Variants in NEK11 observed in about 807,000 individuals in gnomAD.
NEK11 encodes NIMA related kinase 11.
NEK11 carries 72 observed loss-of-function variants against 80.7 expected under a neutral mutation model. The observed-to-expected ratio is 0.89, with a 90% confidence interval of 0.74 to 1.08. NEK11 has a LOEUF of 1.08. NEK11 is among the 50% of genes least tolerant of loss of function. The pLI is 0.00. For missense variants in NEK11, 764 were observed against 763.6 expected, an observed-to-expected ratio of 1.00 and a Z score of -0.01; for synonymous variants, 251 against 260.7, an observed-to-expected ratio of 0.96 and a Z score of 0.36.
At chr3:131,071,701 AG>A (rs1443572258) in intron 3 of NEK11, among the ~76,000 whole-genome samples, 4 of 152,090 alleles carry the variant, frequency 2.6e-5, no homozygotes, top group Non-Finnish European at 2.9e-5. Flanking sequence ...AAGAATTTTT[AG>A]TCATTTGTCC....
At chr3:131,197,552 A>G (rs1217833804) in intron 14 of NEK11, among the ~76,000 whole-genome samples, 4 of 152,150 alleles carry the variant, frequency 2.6e-5, no homozygotes, top group Non-Finnish European at 5.9e-5. Flanking sequence ...GGCCCTGACT[A>G]TCTGCTTGAT....
At chr3:131,257,452 C>CA (rs2095837474) in intron 16 of NEK11, among the ~76,000 whole-genome samples, 1 of 151,950 alleles carries the variant, frequency 6.6e-6, no homozygotes, top group East Asian at 1.9e-4. Context: ...AATGTAAGGC[C>CA]AAAAATAACA....
At chr3:131,188,078 C>T (rs540820118) in intron 14 of NEK11, among the ~76,000 whole-genome samples, 1 of 152,180 alleles carries the variant, frequency 6.6e-6, no homozygotes, top group South Asian at 2.1e-4. Context: ...GACACTGGGA[C>T]TAGAGCTGGC....
At chr3:131,076,719 C>T (rs2148983978) in intron 3 of NEK11, among the ~76,000 whole-genome samples, 1 of 152,314 alleles carries the variant, frequency 6.6e-6, no homozygotes, top group African/African-American at 2.4e-5. Flanking sequence ...AGGCCTCAGA[C>T]ATCCTTACCT....
chr3:131,166,543 C>T (rs766572105), intron 12 of NEK11, among the ~76,000 whole-genome samples: 1 of 152,228 alleles, frequency 6.6e-6, no homozygotes, highest in Admixed American at 6.5e-5. Context: ...AGAGGCCTAG[C>T]TTCCTCTAAT....
chr3:131,103,093 G>T (rs1212234999), intron 4 of NEK11, among the ~76,000 whole-genome samples: 1 of 152,012 alleles, frequency 6.6e-6, no homozygotes, highest in African/African-American at 2.4e-5. Context: ...GGAATCCTTG[G>T]GTTGGGTTTC....
intron 4 of NEK11, among the ~76,000 whole-genome samples, chr3:131,083,685 G>C (rs1382363319): frequency 6.6e-6 from 1 of 152,090 alleles, no homozygotes; most frequent in Admixed American, 6.6e-5. Flanking sequence ...TTAATTTGGG[G>C]CCTTTCAAGA....
At chr3:131,229,200 G>C (rs2095279667) in intron 15 of NEK11, among the ~76,000 whole-genome samples, 1 of 152,076 alleles carries the variant, frequency 6.6e-6, no homozygotes, top group East Asian at 1.9e-4. Context: ...ACACATTCTT[G>C]CTTAAGTGGT....
intron 3 of NEK11, among the ~76,000 whole-genome samples, chr3:131,069,073 A>G: frequency 6.6e-6 from 1 of 152,308 alleles, no homozygotes; most frequent in South Asian, 2.1e-4. Flanking sequence ...CTGTTAAGAC[A>G]GCCAAACCAC....
intron 4 of NEK11, among the ~76,000 whole-genome samples, chr3:131,105,237 A>G (rs1262061867): frequency 2.0e-5 from 3 of 152,218 alleles, no homozygotes; most frequent in Non-Finnish European, 4.4e-5. Context: ...CAAACAAACA[A>G]AAAACCTTTT....
intron 14 of NEK11, among the ~76,000 whole-genome samples, chr3:131,216,050 A>C (rs1441869331): frequency 6.6e-6 from 1 of 152,250 alleles, no homozygotes; most frequent in African/African-American, 2.4e-5. Context: ...TTTTAATTCA[A>C]ATAGCCACAA....
At chr3:131,042,998 C>G (rs999033111) in intron 3 of NEK11, among the ~76,000 whole-genome samples, 3 of 152,136 alleles carry the variant, frequency 2.0e-5, no homozygotes, top group Admixed American at 1.3e-4. Flanking sequence ...CCAGAAAATA[C>G]CAGCAGACCT....
At chr3:131,250,248 G>A (rs1329290234) in intron 16 of NEK11, among the ~76,000 whole-genome samples, 2 of 151,056 alleles carry the variant, frequency 1.3e-5, no homozygotes, top group African/African-American at 2.4e-5. Flanking sequence ...GAAATTCCAG[G>A]AAAAAAGAAC....
intron 17 of NEK11, chr3:131,329,789 T>A (rs1028454063): frequency 8.5e-5 from 13 of 152,268 alleles, no homozygotes; most frequent in Non-Finnish European, 1.5e-4. Context: ...GAGCAGGATG[T>A]GCCTAATGCG....
chr3:131,226,442 A>AG (rs137869423), intron 14 of NEK11, among the ~76,000 whole-genome samples: 7,754 of 152,204 alleles, frequency 0.051, 269 homozygotes, highest in East Asian at 0.19. Context: ...CCCATCACTG[A>AG]TGAGTGGATA....
chr3:131,272,463 CTTTTTT>C (rs869304359), intron 16 of NEK11, among the ~76,000 whole-genome samples: 507 of 43,876 alleles, frequency 0.012, 8 homozygotes, highest in African/African-American at 0.036. Context: ...GTTTTAGCTT[CTTTTTT>C]TTTTTTTTTT....
intron 14 of NEK11, among the ~76,000 whole-genome samples, chr3:131,208,640 G>T (rs1333267856): frequency 3.9e-5 from 6 of 152,110 alleles, no homozygotes; most frequent in Non-Finnish European, 4.4e-5. Flanking sequence ...TTTATTTCGT[G>T]GAGCAGTGGT....
At chr3:131,137,796 A>C (rs1338109059) in intron 7 of NEK11, among the ~76,000 whole-genome samples, 1 of 152,242 alleles carries the variant, frequency 6.6e-6, no homozygotes, top group Non-Finnish European at 1.5e-5. Context: ...GGGGCAGTGC[A>C]AGATGGCTGA....
Position 131,154,705 on chromosome 3 carries a change from G to C in NEK11, c.877-331G>C, listed in dbSNP as rs1579212904. 3.3e-5 allele frequency among the ~76,000 whole-genome samples: 5 copies of C among 152,160 alleles called. No homozygotes were observed. In the South Asian group the frequency reaches 1.0e-3, roughly 32 times the overall value. On this transcript the variant is annotated intron_variant, in intron 9 of 17. Transcript: ENST00000383366. ...TAAACCTTGCACTGGCCCTGGGAGTGTAGATACTGTCCTCTACAGTCTGGG... is the reference window on the plus strand; with the variant it reads ...TAAACCTTGCACTGGCCCTGGGAGTCTAGATACTGTCCTCTACAGTCTGGG...
Sources: allele counts gnomAD v4.1 joint callset (sites outside exome capture counted in the v4.1 genomes callset), GRCh38; gene constraint gnomAD v4.1.1; transcripts MANE v1.5; gene names NCBI Gene and HGNC (gene_info 2026-07-23, HGNC 2026-07-21).